Variants in KPNA3 observed in about 807,000 individuals in gnomAD.
KPNA3 encodes importin subunit alpha-4.
In KPNA3, 13 loss-of-function variants were observed where a neutral mutation model predicts 73.8. That is an observed-to-expected ratio of 0.18 (90% confidence interval 0.11 to 0.28). The LOEUF (loss-of-function observed/expected upper bound fraction) is 0.28. Among genes scored for constraint, KPNA3 ranks in the 10% least tolerant of loss-of-function variants. KPNA3 has a pLI of 1.00. For missense variants in KPNA3, 360 were observed against 618.1 expected, an observed-to-expected ratio of 0.58 and a Z score of 4.43; for synonymous variants, 186 against 206.9, an observed-to-expected ratio of 0.90 and a Z score of 0.87.
At chr13:49,784,565 T>C (rs191552643) in intron 1 of KPNA3, among the ~76,000 whole-genome samples, 12 of 152,322 alleles carry the variant, frequency 7.9e-5, no homozygotes, top group Admixed American at 2.6e-4. Flanking sequence ...GGTATATACA[T>C]ACAATAGAAT....
chr13:49,762,159 G>A (rs1361402231), intron 1 of KPNA3, among the ~76,000 whole-genome samples: 19 of 150,044 alleles, frequency 1.3e-4, no homozygotes, highest in Non-Finnish European at 2.5e-4. Context: ...GAGGTGGGGG[G>A]CAGCCCCCGC....
intron 6 of KPNA3, among the ~76,000 whole-genome samples, chr13:49,731,265 T>C (rs1203181077): frequency 1.4e-5 from 2 of 147,516 alleles, no homozygotes; most frequent in East Asian, 4.0e-4. Context: ...TTTTTTTTTT[T>C]TTTTGTAGAG....
At chr13:49,743,232 T>C (rs1467048173) in intron 2 of KPNA3, among the ~76,000 whole-genome samples, 4 of 152,146 alleles carry the variant, frequency 2.6e-5, no homozygotes, top group Admixed American at 1.3e-4. Flanking sequence ...TTTTCAAGAA[T>C]CTCAATGTCA....
At chr13:49,725,162 G>A (rs941172282) in intron 7 of KPNA3, among the ~76,000 whole-genome samples, 1 of 151,952 alleles carries the variant, frequency 6.6e-6, no homozygotes, top group African/African-American at 2.4e-5. Flanking sequence ...TATCAGAAAC[G>A]GAATTTAAAA....
At chr13:49,772,064 T>C (rs1485677609) in intron 1 of KPNA3, among the ~76,000 whole-genome samples, 2 of 152,230 alleles carry the variant, frequency 1.3e-5, no homozygotes, top group African/African-American at 4.8e-5. Context: ...TTAGCTCTAA[T>C]AGTTTTTAAG....
intron 1 of KPNA3, among the ~76,000 whole-genome samples, chr13:49,783,362 G>A (rs143929958): frequency 2.0e-5 from 3 of 152,184 alleles, no homozygotes; most frequent in Admixed American, 6.5e-5. Context: ...CTGCAAGAAA[G>A]GATAGCTACA....
intron 2 of KPNA3, among the ~76,000 whole-genome samples, chr13:49,733,477 T>A (rs1954490532): frequency 6.6e-6 from 1 of 152,060 alleles, no homozygotes; most frequent in Non-Finnish European, 1.5e-5. Flanking sequence ...TTAGTAGAGA[T>A]GTGTTTTTGC....
At chr13:49,771,036 G>GTTC (rs1954850734) in intron 1 of KPNA3, among the ~76,000 whole-genome samples, 1 of 144,406 alleles carries the variant, frequency 6.9e-6, no homozygotes, top group South Asian at 2.1e-4. Flanking sequence ...CTTCAACTTA[G>GTTC]TTCTTATTTT....
In KPNA3 at chr13:49,778,113, G is replaced by A. The variant is rs777989570; in HGVS notation, c.69+14325C>T. ...ATGAAACATAATACTGATAGATGAC[G>A]CTTCAAAATAATGCAGGGAAGAGTA... On this transcript the variant is annotated intron_variant, in intron 1 of 16. Coordinates refer to ENST00000261667, the MANE Select transcript of KPNA3 (RefSeq NM_002267.4). Among the ~76,000 whole-genome samples the A allele has an allele frequency of 6.6e-5, 10 of 152,312 alleles. 1 individual carries two copies. The highest frequency in any genetic ancestry group is 4.1e-4 in the South Asian group (2 of 4,828).
chr13:49,709,442 G>T, intron 12 of KPNA3, 130 bp downstream of exon 12: 1 of 654,880 alleles, frequency 1.5e-6, no homozygotes, highest in Non-Finnish European at 2.4e-6. Context: ...TTGCAGAGGT[G>T]ATTTAAAATA....
Position 49,778,001 on chromosome 13 carries a change from T to C in KPNA3, c.69+14437A>G, listed in dbSNP as rs191005680. ...AGCCCACATAATCCACATTAACCCATATTGTGGTTTATGTTTTAAAAGGAG... is the reference window on the plus strand; with the variant it reads ...AGCCCACATAATCCACATTAACCCACATTGTGGTTTATGTTTTAAAAGGAG... On this transcript the variant is annotated intron_variant, in intron 1 of 16. Transcript: ENST00000261667. 4.2e-4 allele frequency among the ~76,000 whole-genome samples: 64 copies of C among 152,286 alleles called. 1 individual carries two copies. Among genetic ancestry groups the C allele is most frequent in the Admixed American group, 4.1e-3 (63 of 15,300 alleles).
intron 10 of KPNA3, among the ~76,000 whole-genome samples, chr13:49,715,283 T>G (rs191065832): frequency 1.1e-4 from 17 of 152,172 alleles, no homozygotes; most frequent in Admixed American, 2.6e-4. Flanking sequence ...CTAATATCCT[T>G]AATATATAAA....
rs34283770 is a variant in KPNA3, at chr13:49,701,198, GTT to G, written c.*600_*601del. ...ACATCAATTACTGGTAGATGAAGTA[GTT>G]TTTTTTTTTTTTTAAACTTATCTGT... On this transcript the variant is annotated 3_prime_UTR_variant, in exon 17 of 17. Coordinates refer to ENST00000261667, the MANE Select transcript of KPNA3 (RefSeq NM_002267.4). 15 of 146,874 alleles carry G rather than the reference GTT, an allele frequency of 1.0e-4. No homozygotes were observed. Among genetic ancestry groups the G allele is most frequent in the East Asian group, 3.9e-4 (2 of 5,102 alleles). 9.1% of individuals were successfully genotyped at this position (146,874 alleles called of 1,614,324 possible).
chr13:49,741,394 A>C (rs1371164741), intron 2 of KPNA3, among the ~76,000 whole-genome samples: 1 of 151,470 alleles, frequency 6.6e-6, no homozygotes, highest in South Asian at 2.1e-4. Flanking sequence ...AATGTTGAAC[A>C]ATTTTTAGTA....
At chr13:49,702,737 CCAAA>C (rs1197816540) in intron 15 of KPNA3, among the ~76,000 whole-genome samples, 1 of 152,124 alleles carries the variant, frequency 6.6e-6, no homozygotes, top group Admixed American at 6.5e-5. Flanking sequence ...AAAAAAACAC[CCAAA>C]CAATCCATTT....
chr13:49,783,874 T>C (rs1954960516), intron 1 of KPNA3, among the ~76,000 whole-genome samples: 1 of 152,222 alleles, frequency 6.6e-6, no homozygotes, highest in South Asian at 2.1e-4. Flanking sequence ...TACTGAGATA[T>C]ATTCTAAGGT....
chr13:49,724,306 C>CTT (rs138511170), intron 7 of KPNA3, among the ~76,000 whole-genome samples: 4 of 143,312 alleles, frequency 2.8e-5, no homozygotes, highest in Non-Finnish European at 3.1e-5. Context: ...CACATGATAA[C>CTT]TTTTTTTTTT....
intron 2 of KPNA3, among the ~76,000 whole-genome samples, chr13:49,734,922 CATAT>C (rs200073617): frequency 4.6e-4 from 58 of 126,150 alleles, no homozygotes; most frequent in South Asian, 1.7e-3. Context: ...TATACACACA[CATAT>C]ATATATATAT....
chr13:49,708,807 A>T (rs1240561931), intron 12 of KPNA3, among the ~76,000 whole-genome samples: 2 of 152,230 alleles, frequency 1.3e-5, no homozygotes, highest in Non-Finnish European at 2.9e-5. Context: ...TACATATTAC[A>T]CAATTAATAA....
Sources: gnomAD v4.1 joint callset for allele counts (sites outside exome capture counted in the v4.1 genomes callset) on GRCh38, gnomAD v4.1.1 for gene constraint, MANE v1.5 for transcripts, NCBI Gene and HGNC (gene_info 2026-07-23, HGNC 2026-07-21) for gene names.